The following ASRGL1 variants were observed in gnomAD, a reference collection of about 807,000 sequenced individuals.
ASRGL1 encodes the protein isoaspartyl peptidase/L-asparaginase.
Under a neutral mutation model 22.4 loss-of-function variants are expected in ASRGL1, and 16 were observed. That is an observed-to-expected ratio of 0.71 (90% CI 0.48 to 1.08). The LOEUF is 1.08. ASRGL1 is among the 50% of genes least tolerant of loss of function. The probability of loss-of-function intolerance (pLI) is 0.00; values close to 1 mark genes in which losing one functional copy is unlikely to be tolerated. For missense variants in ASRGL1, 412 were observed against 410.1 expected (o/e 1.00, Z -0.04); for synonymous variants, 165 against 159.3 (o/e 1.04, Z -0.27).
chr11:62,383,673 G>A (rs1170811961), intron 4 of ASRGL1, among the ~76,000 whole-genome samples: 2 of 145,324 alleles, frequency 1.4e-5, no homozygotes, highest in East Asian at 4.2e-4. Context: ...TGTAATCCCA[G>A]CACTTTGGGA....
chr11:62,359,671 C>T (rs559960725), intron 4 of ASRGL1, among the ~76,000 whole-genome samples: 3 of 152,166 alleles, frequency 2.0e-5, no homozygotes, highest in Non-Finnish European at 2.9e-5. Context: ...TGTAAGTGCA[C>T]AGCACAGGTC....
At chr11:62,392,053 G>T in intron 6 of ASRGL1, 26 bp from the exon 7 acceptor site, 1 of 1,609,652 alleles carries the variant, frequency 6.2e-7, no homozygotes, top group Non-Finnish European at 8.5e-7. Context: ...AATGTGTGTT[G>T]TTTCTCAACC....
intron 4 of ASRGL1, chr11:62,371,779 C>G (rs532442950): frequency 2.1e-6 from 1 of 470,492 alleles, no homozygotes; most frequent in East Asian, 4.8e-5. Flanking sequence ...GGTGAAACCC[C>G]GTCTCTACTA....
intron 4 of ASRGL1, among the ~76,000 whole-genome samples, chr11:62,374,697 C>T (rs1318811314): frequency 1.3e-5 from 2 of 152,130 alleles, no homozygotes; most frequent in Non-Finnish European, 1.5e-5. Flanking sequence ...CCAGCCAGTC[C>T]CAAGGCCCTG....
At chr11:62,359,569 A>T (rs72923212) in intron 4 of ASRGL1, among the ~76,000 whole-genome samples, 279 of 152,306 alleles carry the variant, frequency 1.8e-3, no homozygotes, top group Middle Eastern at 3.4e-3. Flanking sequence ...AAATCTTCAA[A>T]ATCTGGTGTG....
In ASRGL1 at chr11:62,358,237, G is replaced by A. The variant is rs1267127334; in HGVS notation, c.491+1093G>A. ...TACAAAAAATTAGCCAGGCATGATG[G>A]TGCGTGCCTGTAATCCCAGCTACTC... is the stretch of plus-strand genomic sequence containing the variant. On this transcript the variant is annotated intron_variant, in intron 4 of 6. Coordinates refer to ENST00000415229, the MANE Select transcript of ASRGL1 (RefSeq NM_001083926.2). 3.9e-5 allele frequency among the ~76,000 whole-genome samples: 6 copies of A among 152,262 alleles called. No homozygotes were observed. The East Asian group carries it at 5.8e-4, about 15-fold the overall frequency.
chr11:62,346,025 T>A (rs1488661408), intron 2 of ASRGL1, among the ~76,000 whole-genome samples: 1 of 152,082 alleles, frequency 6.6e-6, no homozygotes, highest in Non-Finnish European at 1.5e-5. Context: ...AAGAGTTGCA[T>A]AGGGTGAGGT....
intron 4 of ASRGL1, among the ~76,000 whole-genome samples, chr11:62,368,314 C>T (rs1417193110): frequency 1.3e-5 from 2 of 152,110 alleles, no homozygotes; most frequent in Non-Finnish European, 2.9e-5. Flanking sequence ...GGTCTTGGAG[C>T]GTATCCCCTT....
chr11:62,396,058 C>G (rs1433788964), downstream of ASRGL1, among the ~76,000 whole-genome samples: 1 of 151,912 alleles, frequency 6.6e-6, no homozygotes, highest in East Asian at 1.9e-4. Flanking sequence ...ACAGCACCAC[C>G]GCACCCGGCC....
intron 5 of ASRGL1, chr11:62,389,682 G>A: frequency 3.2e-6 from 1 of 315,518 alleles, no homozygotes; most frequent in East Asian, 8.2e-5. Flanking sequence ...GCATGAAAGT[G>A]ACATACTTCT....
At chr11:62,387,265 G>A (rs1026856591) in intron 4 of ASRGL1, among the ~76,000 whole-genome samples, 6 of 152,122 alleles carry the variant, frequency 3.9e-5, no homozygotes, top group African/African-American at 9.6e-5. Context: ...ACTGCCCAGC[G>A]TCCTCCCATT....
At chr11:62,368,792 G>T (rs1368625692) in intron 4 of ASRGL1, among the ~76,000 whole-genome samples, 3 of 152,166 alleles carry the variant, frequency 2.0e-5, no homozygotes, top group East Asian at 3.8e-4. Flanking sequence ...AAGAAAAGGT[G>T]CTGTGCCTTG....
Position 62,392,227 on chromosome 11 carries a change from C to T in ASRGL1, c.870C>T (p.Asp290=), listed in dbSNP as rs202153953. ...CCATGCCCTGGGCAGCCGCCAAGGA[C>T]GGCAAGCTGCACTTCGGAATTGATC... ...STSMPWAAAK[D]GKLHFGIDPD... The change falls in exon 7 of 7, where the codon GAC becomes GAT. Residue 290 remains aspartate (D), a synonymous_variant. Transcript: ENST00000415229. 72 of 1,614,208 alleles carry T rather than the reference C, an allele frequency of 4.5e-5. No individual in the cohort carries two copies. In the African/African-American group the frequency reaches 5.6e-4, roughly 13 times the overall value.
chr11:62,363,760 G>A (rs1946541058), intron 4 of ASRGL1, among the ~76,000 whole-genome samples: 1 of 152,194 alleles, frequency 6.6e-6, no homozygotes, highest in South Asian at 2.1e-4. Flanking sequence ...GCAGAAGGAA[G>A]CTTCTCTAAA....
At chr11:62,385,275 C>G (rs1470608272) in intron 4 of ASRGL1, among the ~76,000 whole-genome samples, 2 of 152,136 alleles carry the variant, frequency 1.3e-5, no homozygotes, top group Non-Finnish European at 2.9e-5. Flanking sequence ...GTCCTACACT[C>G]ATTTTTTCCT....
At chr11:62,339,526 A>G (rs180989498) in intron 2 of ASRGL1, among the ~76,000 whole-genome samples, 146 of 152,330 alleles carry the variant, frequency 9.6e-4, no homozygotes, top group Non-Finnish European at 1.0e-3. Context: ...AGTATCTACC[A>G]TGTATCAGGC....
chr11:62,362,477 A>T (rs1303417481), intron 4 of ASRGL1, among the ~76,000 whole-genome samples: 8 of 115,830 alleles, frequency 6.9e-5, no homozygotes, highest in Admixed American at 2.7e-4. Context: ...TATTATATAA[A>T]ATATATATAA....
intron 4 of ASRGL1, among the ~76,000 whole-genome samples, chr11:62,377,201 G>T (rs1220923479): frequency 6.6e-6 from 1 of 152,180 alleles, no homozygotes; most frequent in East Asian, 1.9e-4. Context: ...AAGTCAGCTT[G>T]TTCATTTGCT....
chr11:62,373,109 A>G, intron 4 of ASRGL1: 1 of 1,468,604 alleles, frequency 6.8e-7, no homozygotes, highest in Admixed American at 1.7e-5. Flanking sequence ...TGATAGCAAG[A>G]GATGAAAGTG....
Sources: gnomAD v4.1 joint callset for allele counts (sites outside exome capture counted in the v4.1 genomes callset) on GRCh38, gnomAD v4.1.1 for gene constraint, MANE v1.5 for transcripts, NCBI Gene and HGNC (gene_info 2026-07-23, HGNC 2026-07-21) for gene names.